The following GPR158 variants were observed in gnomAD, a reference collection of about 807,000 sequenced individuals.
GPR158 encodes metabotropic glycine receptor.
A neutral mutation model predicts 78.2 loss-of-function variants in GPR158; 30 were observed. The ratio of observed to expected loss-of-function variants is 0.38; its 90% confidence interval spans 0.29 to 0.52. The LOEUF (loss-of-function observed/expected upper bound fraction) is 0.52, where lower values mean the gene tolerates loss of function less well. Ranked by LOEUF, GPR158 falls within the 20% of genes least tolerant of loss-of-function variation. The pLI is 0.83. For synonymous variants in GPR158, 581 were observed against 591.1 expected (o/e 0.98, Z 0.25); for missense variants, 1,463 against 1,523.5 (o/e 0.96, Z 0.66).
rs190670618 is a variant in GPR158 at position 25,398,354 on chromosome 10, A to G, written c.1111+2341A>G. 7.7e-4 allele frequency among the ~76,000 whole-genome samples: 118 copies of G among 152,288 alleles called. 1 individual carries two copies. The highest frequency in any genetic ancestry group is 2.7e-3 in the African/African-American group (114 of 41,550). On this transcript the variant is annotated intron_variant, in intron 3 of 10. Transcript: ENST00000376351. ...CTTTTTGGTGTGTGTGTGCCAGACC[A>G]TGGCGACACCGGAGCTACTCTGGCA... is the stretch of plus-strand genomic sequence containing the variant.
chr10:25,433,813 C>T (rs1834958230), intron 4 of GPR158, among the ~76,000 whole-genome samples: 1 of 148,948 alleles, frequency 6.7e-6, no homozygotes, highest in Non-Finnish European at 1.5e-5. Flanking sequence ...TTATTACAGA[C>T]CTGAGCCACT....
Position 25,598,356 on chromosome 10 carries a change from G to C in GPR158, c.2730G>C (p.Lys910Asn). 1.2e-6 allele frequency: 2 copies of C among 1,614,108 alleles called. No individual in the cohort carries two copies. The highest frequency in any genetic ancestry group is 1.7e-6 in the Non-Finnish European group (2 of 1,180,010). The change falls in exon 11 of 11, where the codon AAG becomes AAC. Residue 910 changes from lysine (K) to asparagine (N), a missense_variant. By Grantham distance (94) the Lys-to-Asn change is moderately conservative (BLOSUM62 0). Coordinates refer to ENST00000376351, the MANE Select transcript of GPR158 (RefSeq NM_020752.3). ...QKSLSVIASA[K>N]EKTLGLAGKT... Reference sequence around the variant, plus strand: ...CTCTCAGTGTCATAGCAAGCGCCAAGGAGAAGACTCTTGGATTAGCTGGGA... The same window carrying C: ...CTCTCAGTGTCATAGCAAGCGCCAACGAGAAGACTCTTGGATTAGCTGGGA...
At chr10:25,203,891 G>A (rs1206147997) in intron 1 of GPR158, among the ~76,000 whole-genome samples, 2 of 144,550 alleles carry the variant, frequency 1.4e-5, no homozygotes, top group Non-Finnish European at 3.0e-5. Context: ...CTATCCATGA[G>A]CATGGAATGT....
At position 25,200,863 on chromosome 10, in the gene GPR158, GTTTTGT is replaced by G. The variant is rs1396848830; in HGVS notation, c.903-20184_903-20179del. Among the ~76,000 whole-genome samples, 5 of 84,492 alleles carry G rather than the reference GTTTTGT, an allele frequency of 5.9e-5. No homozygotes were observed. In the East Asian group the frequency reaches 1.8e-3, roughly 31 times the overall value. 55.4% of individuals were successfully genotyped at this position (84,492 alleles called of 152,430 possible). A position where few individuals can be genotyped will look rare whatever the true frequency, so the allele number is the denominator to read the frequency against. ...CCATAGATCTATGTATCTGTTTTTT[GTTTTGT>G]TTTTTTTTTTTTTTTTTTCAGTACC... is the stretch of plus-strand genomic sequence containing the variant. On this transcript the variant is annotated intron_variant, in intron 1 of 10. Coordinates refer to ENST00000376351, the MANE Select transcript of GPR158 (RefSeq NM_020752.3).
At chr10:25,538,516 A>G (rs1836530999) in intron 5 of GPR158, among the ~76,000 whole-genome samples, 1 of 152,114 alleles carries the variant, frequency 6.6e-6, no homozygotes, top group African/African-American at 2.4e-5. Context: ...GGTTTTCACT[A>G]TACTGCCCAG....
chr10:25,205,847 G>A (rs1853019695), intron 1 of GPR158, among the ~76,000 whole-genome samples: 1 of 151,800 alleles, frequency 6.6e-6, no homozygotes, highest in South Asian at 2.1e-4. Flanking sequence ...TTGTTTTATG[G>A]CTGATTCTTT....
At position 25,220,965 on chromosome 10, in the gene GPR158, TG is replaced by T. The variant is rs756430679; in HGVS notation, c.903-86del. On this transcript the variant is annotated intron_variant, in intron 1 of 10. Transcript: ENST00000376351. ...TTGACAATTTTTGGCATGTTCTTTA[TG>T]ATAATTTTCTAATTTCAAGCTTAAA... is the stretch of plus-strand genomic sequence containing the variant. 804 of 813,732 alleles carry T rather than the reference TG, an allele frequency of 9.9e-4. 1 individual carries two copies. Among genetic ancestry groups the T allele is most frequent in the Non-Finnish European group, 1.1e-3 (587 of 515,902 alleles). 50.4% of individuals were successfully genotyped at this position (813,732 alleles called of 1,614,324 possible).
intron 2 of GPR158, among the ~76,000 whole-genome samples, chr10:25,376,682 C>G (rs1005570728): frequency 6.6e-6 from 1 of 151,644 alleles, no homozygotes; most frequent in South Asian, 2.1e-4. Flanking sequence ...TATTGGTCTG[C>G]TGCTAAAAAG....
At chr10:25,203,000 G>A (rs1852957649) in intron 1 of GPR158, among the ~76,000 whole-genome samples, 1 of 152,170 alleles carries the variant, frequency 6.6e-6, no homozygotes, top group South Asian at 2.1e-4. Context: ...TTTCTCTGAT[G>A]GCCAGTGATG....
intron 6 of GPR158, among the ~76,000 whole-genome samples, chr10:25,554,754 G>C (rs1203608921): frequency 6.6e-6 from 1 of 152,096 alleles, no homozygotes; most frequent in Non-Finnish European, 1.5e-5. Flanking sequence ...TGGGGTTCGG[G>C]GTGAAGTGGC....
chr10:25,578,909 T>A (rs1289698229), intron 7 of GPR158, among the ~76,000 whole-genome samples: 2 of 151,984 alleles, frequency 1.3e-5, no homozygotes, highest in African/African-American at 4.8e-5. Context: ...CTCAGGAGGC[T>A]GAGGTAGGAG....
chr10:25,323,018 T>C (rs1854976993), intron 2 of GPR158, among the ~76,000 whole-genome samples: 1 of 152,038 alleles, frequency 6.6e-6, no homozygotes, highest in Admixed American at 6.6e-5. Context: ...GGCTAATTTT[T>C]TGTATTTTTA....
chr10:25,446,094 G>C (rs190304677), intron 4 of GPR158, among the ~76,000 whole-genome samples: 22 of 152,192 alleles, frequency 1.4e-4, no homozygotes, highest in African/African-American at 4.8e-4. Flanking sequence ...TGTATCACCA[G>C]GGAAAATTTC....
At position 25,572,661 on chromosome 10, in the gene GPR158, G is replaced by T. The variant is rs779957393; in HGVS notation, c.1527G>T (p.Val509=). The T allele has an allele frequency of 1.2e-6, 2 of 1,611,088 alleles. No homozygotes were observed. Among genetic ancestry groups the T allele is most frequent in the African/African-American group, 1.3e-5 (1 of 74,846 alleles). The change falls in exon 7 of 11, where the codon GTG becomes GTT. Residue 509 remains valine (V), a synonymous_variant. Coordinates refer to ENST00000376351, the MANE Select transcript of GPR158 (RefSeq NM_020752.3). The part of the protein sequence containing the change: ...VTLKLHRVLK[V]FLSRTAQRIP... ...TTTGCTTTTCTAGGGTTTTGAAGGT[G>T]TTTCTTTCACGAACGGCTCAACGAA... is the stretch of plus-strand genomic sequence containing the variant.
intron 2 of GPR158, among the ~76,000 whole-genome samples, chr10:25,281,947 T>A (rs1016724914): frequency 6.6e-6 from 1 of 152,344 alleles, no homozygotes; most frequent in Non-Finnish European, 1.5e-5. Flanking sequence ...TGATTTGAAT[T>A]TTTTCTTTTA....
At chr10:25,334,303 A>G (rs538392789) in intron 2 of GPR158, among the ~76,000 whole-genome samples, 13 of 152,242 alleles carry the variant, frequency 8.5e-5, no homozygotes, top group Middle Eastern at 3.4e-3. Context: ...TTAAATGAAG[A>G]ATAAAATTTG....
rs372434009 is a variant in GPR158, at chr10:25,422,015, A to G, written c.1335+9542A>G. Among the ~76,000 whole-genome samples the G allele has an allele frequency of 9.8e-4, 149 of 152,208 alleles. 1 individual carries two copies. The highest frequency in any genetic ancestry group is 5.6e-3 in the South Asian group (27 of 4,824). ...GCTTTTGAGTTCTGACTTTTGGCCAATATTTTCTCATTATGAATTGTCTGT... is the reference window on the plus strand; with the variant it reads ...GCTTTTGAGTTCTGACTTTTGGCCAGTATTTTCTCATTATGAATTGTCTGT... On this transcript the variant is annotated intron_variant, in intron 4 of 10. Transcript: ENST00000376351.
At chr10:25,262,759 A>G (rs930141353) in intron 2 of GPR158, among the ~76,000 whole-genome samples, 50 of 152,220 alleles carry the variant, frequency 3.3e-4, no homozygotes, top group African/African-American at 1.2e-3. Flanking sequence ...ATATAGGTTC[A>G]CACTTGGCAT....
chr10:25,408,706 G>A (rs1834547946), intron 3 of GPR158, among the ~76,000 whole-genome samples: 1 of 152,112 alleles, frequency 6.6e-6, no homozygotes, highest in Non-Finnish European at 1.5e-5. Flanking sequence ...TGTGCCCTAT[G>A]ATTCTTCAAG....
Sources: gnomAD v4.1 joint callset for allele counts (sites outside exome capture counted in the v4.1 genomes callset) on GRCh38, gnomAD v4.1.1 for gene constraint, MANE v1.5 for transcripts, NCBI Gene and HGNC (gene_info 2026-07-23, HGNC 2026-07-21) for gene names.